Variants in REV3L observed in about 807,000 individuals in gnomAD.
REV3L encodes DNA polymerase zeta catalytic subunit.
REV3L carries 69 observed loss-of-function variants against 299.4 expected under a neutral mutation model. The ratio of observed to expected loss-of-function variants is 0.23; its 90% CI spans 0.19 to 0.28. The LOEUF is 0.28. REV3L is among the 10% of genes least tolerant of loss of function. The pLI is 1.00. For synonymous variants in REV3L, 1,238 were observed against 1,271.4 expected, an observed-to-expected ratio of 0.97 and a Z score of 0.56; for missense variants, 3,128 against 3,693.8, an observed-to-expected ratio of 0.85 and a Z score of 3.97.
chr6:111,392,411 C>T (rs1206609212), intron 5 of REV3L, among the ~76,000 whole-genome samples: 1 of 152,012 alleles, frequency 6.6e-6, no homozygotes, highest in African/African-American at 2.4e-5. Context: ...CAAAAAAAAT[C>T]TAATCAATAA....
In REV3L at chr6:111,375,407, C is replaced by T; in HGVS notation, c.2948G>A (p.Arg983Lys). The change falls in exon 13 of 32, where the codon AGA becomes AAA. Residue 983 changes from arginine (R) to lysine (K), a missense_variant. Physicochemically the swap from Arg to Lys is conservative, Grantham distance 26. Transcript: ENST00000368802. ...AAGCATATTTTTTCTCCCTCTAAAT[C>T]TATTAATAATAATATACTTTATGAT... ...PVIIKYIIIN[R>K]FRGRKNMLVK... 1 of 1,597,024 alleles carries T rather than the reference C, an allele frequency of 6.3e-7. No individual in the cohort carries two copies.
intron 31 of REV3L, among the ~76,000 whole-genome samples, chr6:111,301,400 C>T (rs181368018): frequency 1.2e-4 from 18 of 152,208 alleles, no homozygotes; most frequent in African/African-American, 4.3e-4. Context: ...TACACCCCTC[C>T]CCTTTTGAAA....
chr6:111,348,031 G>T (rs1195091843), intron 20 of REV3L, among the ~76,000 whole-genome samples: 1 of 152,116 alleles, frequency 6.6e-6, no homozygotes, highest in Non-Finnish European at 1.5e-5. Context: ...CAAACTCCTG[G>T]GCTCAAGTGA....
intron 1 of REV3L, among the ~76,000 whole-genome samples, chr6:111,467,495 T>C (rs992406615): frequency 2.0e-5 from 3 of 152,216 alleles, no homozygotes; most frequent in Admixed American, 1.3e-4. Flanking sequence ...CTGAACAGAT[T>C]GAAAATTATA....
At chr6:111,322,704 A>C (rs1286830504) in intron 25 of REV3L, 26 bp from the exon 26 acceptor site, 8 of 1,556,882 alleles carry the variant, frequency 5.1e-6, no homozygotes, top group Non-Finnish European at 4.4e-6. Flanking sequence ...CATTGGAAAT[A>C]ATTTCTTAAC....
At chr6:111,406,572 AG>A (rs1783651277) in intron 3 of REV3L, among the ~76,000 whole-genome samples, 1 of 152,196 alleles carries the variant, frequency 6.6e-6, no homozygotes, top group African/African-American at 2.4e-5. Flanking sequence ...GAGACATATA[AG>A]GGGTGAAATG....
At chr6:111,476,437 A>T (rs1278791803) in intron 1 of REV3L, among the ~76,000 whole-genome samples, 2 of 152,160 alleles carry the variant, frequency 1.3e-5, no homozygotes, top group African/African-American at 2.4e-5. Context: ...GATTACAGAC[A>T]TGAGCCACTG....
chr6:111,401,474 C>T (rs1314412152), intron 4 of REV3L, among the ~76,000 whole-genome samples: 2 of 152,132 alleles, frequency 1.3e-5, no homozygotes, highest in African/African-American at 4.8e-5. Flanking sequence ...TTTTATACTA[C>T]TCTAAGATAC....
At chr6:111,386,365 A>G (rs892848542) in intron 9 of REV3L, among the ~76,000 whole-genome samples, 19 of 152,200 alleles carry the variant, frequency 1.2e-4, no homozygotes, top group Non-Finnish European at 1.0e-4. Context: ...CATCAGTAGT[A>G]ATGAGGGTAA....
intron 3 of REV3L, among the ~76,000 whole-genome samples, chr6:111,406,089 A>G (rs1210460517): frequency 6.6e-6 from 1 of 152,216 alleles, no homozygotes; most frequent in Non-Finnish European, 1.5e-5. Flanking sequence ...TATATACAGC[A>G]TAGTTAAGTA....
chr6:111,432,857 C>A (rs560734632), intron 1 of REV3L, among the ~76,000 whole-genome samples: 1 of 152,076 alleles, frequency 6.6e-6, no homozygotes, highest in African/African-American at 2.4e-5. Context: ...TCTTCTCTGG[C>A]CACAATGGAA....
chr6:111,429,959 T>G (rs1786687961), intron 1 of REV3L, among the ~76,000 whole-genome samples: 1 of 151,394 alleles, frequency 6.6e-6, no homozygotes, highest in South Asian at 2.1e-4. Flanking sequence ...GGGGCACAAC[T>G]CCAGCCTCTT....
At chr6:111,436,180 A>G (rs573941558) in intron 1 of REV3L, among the ~76,000 whole-genome samples, 34 of 152,336 alleles carry the variant, frequency 2.2e-4, no homozygotes, top group African/African-American at 7.9e-4. Flanking sequence ...ATGCGGATAA[A>G]GGAGAATCCT....
At chr6:111,431,721 G>C in intron 1 of REV3L, 2 of 940,584 alleles carry the variant, frequency 2.1e-6, no homozygotes, top group South Asian at 1.4e-5. Flanking sequence ...CTGTGGATTT[G>C]ACAGAAGATA....
chr6:111,469,955 G>C (rs1321525482), intron 1 of REV3L, among the ~76,000 whole-genome samples: 1 of 152,054 alleles, frequency 6.6e-6, no homozygotes, highest in Non-Finnish European at 1.5e-5. Flanking sequence ...TCCCTTACCT[G>C]TTCTGCTTTT....
At chr6:111,470,487 G>C (rs1792066796) in intron 1 of REV3L, among the ~76,000 whole-genome samples, 1 of 152,140 alleles carries the variant, frequency 6.6e-6, no homozygotes, top group African/African-American at 2.4e-5. Flanking sequence ...TAGAACTGTT[G>C]TGAAGATTAC....
At chr6:111,413,725 A>G (rs1277931129) in intron 2 of REV3L, among the ~76,000 whole-genome samples, 2 of 152,058 alleles carry the variant, frequency 1.3e-5, no homozygotes, top group African/African-American at 4.8e-5. Context: ...AGAAAACTGC[A>G]ATGAAAAATT....
intron 9 of REV3L, among the ~76,000 whole-genome samples, chr6:111,383,501 T>C (rs1476066046): frequency 6.6e-6 from 1 of 152,046 alleles, no homozygotes; most frequent in African/African-American, 2.4e-5. Context: ...AAGAAAGTAA[T>C]CCCATTTACA....
At chr6:111,349,488 A>G in intron 19 of REV3L, 152 bp from the exon 20 acceptor site, 1 of 445,320 alleles carries the variant, frequency 2.2e-6, no homozygotes, top group Non-Finnish European at 4.0e-6. Context: ...AATAAATATA[A>G]CCTGAAGTCT....
Sources: allele counts gnomAD v4.1 joint callset (sites outside exome capture counted in the v4.1 genomes callset), GRCh38; gene constraint gnomAD v4.1.1; transcripts MANE v1.5; gene names NCBI Gene and HGNC (gene_info 2026-07-23, HGNC 2026-07-21).